CACNA1C: variants seen among roughly 807,000 people sequenced by gnomAD.
CACNA1C encodes the protein voltage-dependent L-type calcium channel subunit alpha-1C.
In CACNA1C, 30 loss-of-function variants were observed where a neutral mutation model predicts 229.0. The ratio of observed to expected loss-of-function variants is 0.13; its 90% CI spans 0.10 to 0.18. The LOEUF (loss-of-function observed/expected upper bound fraction) is 0.18, where lower values mean the gene tolerates loss of function less well. Among genes scored for constraint, CACNA1C ranks in the 10% least tolerant of loss-of-function variants. CACNA1C has a pLI of 1.00. For missense variants in CACNA1C, 1,658 were observed against 2,845.0 expected, an observed-to-expected ratio of 0.58 and a Z score of 9.49; for synonymous variants, 1,114 against 1,132.5, an observed-to-expected ratio of 0.98 and a Z score of 0.33.
Position 2,353,147 on chromosome 12 carries a change from A to T in CACNA1C, c.478-95829A>T, listed in dbSNP as rs572729290. ...GTGGGAGGGAGTTTAGAGGAAGGCC[A>T]CGTCACTCTGGTTGGGATGCTGGGG... On this transcript the variant is annotated intron_variant, in intron 3 of 46. Coordinates refer to ENST00000399655, the MANE Select transcript of CACNA1C (RefSeq NM_000719.7). 5.9e-5 allele frequency among the ~76,000 whole-genome samples: 9 copies of T among 152,280 alleles called. No individual in the cohort carries two copies. In the South Asian group the frequency reaches 1.2e-3, roughly 21 times the overall value.
At chr12:2,329,284 A>G (rs2096460460) in intron 3 of CACNA1C, among the ~76,000 whole-genome samples, 1 of 152,236 alleles carries the variant, frequency 6.6e-6, no homozygotes, top group African/African-American at 2.4e-5. Context: ...TAACAGCATC[A>G]ACAGTTTCTA....
At chr12:2,627,670 T>C (rs74053896) in intron 29 of CACNA1C, among the ~76,000 whole-genome samples, 2,019 of 152,178 alleles carry the variant, frequency 0.013, 44 homozygotes, top group African/African-American at 0.046. Flanking sequence ...GGTGAAGCCA[T>C]CTGTTGCCCC....
intron 5 of CACNA1C, among the ~76,000 whole-genome samples, chr12:2,480,603 G>A (rs757300504): frequency 6.6e-6 from 1 of 152,288 alleles, no homozygotes; most frequent in South Asian, 2.1e-4. Context: ...TGAAATGAAG[G>A]TATTGGGTTA....
intron 1 of CACNA1C, among the ~76,000 whole-genome samples, chr12:2,078,588 G>A (rs539277396): frequency 6.6e-6 from 1 of 152,222 alleles, no homozygotes; most frequent in African/African-American, 2.4e-5. Context: ...GTGCAGAGGG[G>A]GTTGTTCAAT....
At chr12:2,082,995 T>G (rs1043432911) in intron 1 of CACNA1C, among the ~76,000 whole-genome samples, 4 of 152,258 alleles carry the variant, frequency 2.6e-5, no homozygotes, top group Admixed American at 1.3e-4. Flanking sequence ...AATCATGGAC[T>G]GTGCTGTTTG....
intron 1 of CACNA1C, among the ~76,000 whole-genome samples, chr12:2,032,264 T>A (rs1393565754): frequency 6.6e-6 from 1 of 152,006 alleles, no homozygotes; most frequent in Admixed American, 6.5e-5. Context: ...TATATCAGTA[T>A]AACTCACATC....
intron 1 of CACNA1C, among the ~76,000 whole-genome samples, chr12:2,018,948 AC>A (rs911401520): frequency 3.3e-5 from 5 of 152,234 alleles, no homozygotes; most frequent in Non-Finnish European, 7.4e-5. Flanking sequence ...AATAAAAAAA[AC>A]ATTTAACCCT....
intron 1 of CACNA1C, among the ~76,000 whole-genome samples, chr12:2,098,658 T>C (rs1378586493): frequency 1.3e-5 from 2 of 152,260 alleles, no homozygotes; most frequent in Non-Finnish European, 2.9e-5. Context: ...GTATGGGATA[T>C]AGCGATTGTT....
At chr12:2,256,013 A>G (rs1339014325) in intron 3 of CACNA1C, among the ~76,000 whole-genome samples, 6 of 152,092 alleles carry the variant, frequency 3.9e-5, no homozygotes, top group South Asian at 2.1e-4. Context: ...CCCTGACCTG[A>G]CTAGTTTACA....
chr12:2,473,485 CT>C (rs1246375079), intron 5 of CACNA1C, among the ~76,000 whole-genome samples: 2 of 152,124 alleles, frequency 1.3e-5, no homozygotes, highest in African/African-American at 4.8e-5. Context: ...TTATATTTTA[CT>C]TTATATGTCA....
At chr12:2,474,756 CAAAAAA>C (rs34963749) in intron 5 of CACNA1C, among the ~76,000 whole-genome samples, 1 of 99,872 alleles carries the variant, frequency 1.0e-5, no homozygotes, top group Non-Finnish European at 2.0e-5. Flanking sequence ...AACTCCATCT[CAAAAAA>C]AAAAAAAAAA....
upstream of CACNA1C, among the ~76,000 whole-genome samples, chr12:2,049,729 A>C (rs2051776920): frequency 6.6e-6 from 1 of 152,198 alleles, no homozygotes; most frequent in African/African-American, 2.4e-5. Context: ...CTTTAGCTGG[A>C]GAATCAAATC....
intron 1 of CACNA1C, among the ~76,000 whole-genome samples, chr12:2,109,272 G>A (rs1486276966): frequency 2.0e-5 from 3 of 152,168 alleles, no homozygotes; most frequent in South Asian, 4.1e-4. Flanking sequence ...TTTATTCAAC[G>A]GTGGCATGGA....
Position 2,043,950 on chromosome 12 carries a change from C to T in CACNA1C, c.140-71274C>T, listed in dbSNP as rs535689898. On this transcript the variant is annotated intron_variant, in intron 1 of 46. Transcript: ENST00000682462. The stretch of plus-strand genomic sequence containing the variant: ...GATTACAGGCGTGAGCCACCGCGCC[C>T]GGCCAAAAACAGAATATTCTTGCTA... Among the ~76,000 whole-genome samples, 8 of 152,164 alleles carry T rather than the reference C, an allele frequency of 5.3e-5. No homozygotes were observed. In the East Asian group the frequency reaches 1.2e-3, roughly 22 times the overall value.
intron 3 of CACNA1C, among the ~76,000 whole-genome samples, chr12:2,425,651 G>T (rs548984809): frequency 6.6e-6 from 1 of 152,276 alleles, no homozygotes; most frequent in African/African-American, 2.4e-5. Flanking sequence ...GTCTTTAGAG[G>T]TGTGGCTTTA....
chr12:2,687,843 A>G, intron 45 of CACNA1C, among the ~76,000 whole-genome samples: 1 of 152,230 alleles, frequency 6.6e-6, no homozygotes, highest in East Asian at 1.9e-4. Context: ...CCAGCCCTGA[A>G]TCTTTTAATC....
chr12:2,581,165 A>T (rs917729102), intron 13 of CACNA1C, among the ~76,000 whole-genome samples: 1 of 152,204 alleles, frequency 6.6e-6, no homozygotes, highest in African/African-American at 2.4e-5. Flanking sequence ...ACCTTTATCA[A>T]CTATGTGCCA....
chr12:2,286,873 G>T (rs1408442647), intron 3 of CACNA1C, among the ~76,000 whole-genome samples: 1 of 152,252 alleles, frequency 6.6e-6, no homozygotes, highest in African/African-American at 2.4e-5. Flanking sequence ...ATGTGCCTCA[G>T]GACTGAAATT....
intron 3 of CACNA1C, among the ~76,000 whole-genome samples, chr12:2,437,705 A>G (rs1441371406): frequency 1.3e-5 from 2 of 150,942 alleles, no homozygotes; most frequent in Non-Finnish European, 3.0e-5. Flanking sequence ...GGTGGTGGCA[A>G]TGATGGTAAT....
Sources: gnomAD v4.1 joint callset for allele counts (sites outside exome capture counted in the v4.1 genomes callset) on GRCh38, gnomAD v4.1.1 for gene constraint, MANE v1.5 for transcripts, NCBI Gene and HGNC (gene_info 2026-07-23, HGNC 2026-07-21) for gene names.